The following RSRP1 variants were observed in gnomAD, a reference collection of about 807,000 sequenced individuals.
The protein encoded by RSRP1 is arginine and serine rich protein 1.
RSRP1 carries 37 observed loss-of-function variants against 33.0 expected under a neutral mutation model. That is an observed-to-expected ratio of 1.12 (90% CI 0.86 to 1.48). The LOEUF (loss-of-function observed/expected upper bound fraction) is 1.48, where lower values mean the gene tolerates loss of function less well. Ranked by LOEUF, RSRP1 falls within the 40% of genes most tolerant of loss-of-function variation. The pLI, the probability that RSRP1 is intolerant of heterozygous loss-of-function variation, is 0.00. For missense variants in RSRP1, 402 were observed against 385.3 expected, an observed-to-expected ratio of 1.04 and a Z score of -0.36; for synonymous variants, 167 against 158.7, an observed-to-expected ratio of 1.05 and a Z score of -0.40.
chr1:25,309,823 G>A (rs1440973934), intron 1 of RSRP1, among the ~76,000 whole-genome samples: 3 of 132,418 alleles, frequency 2.3e-5, no homozygotes, highest in African/African-American at 7.8e-5. Flanking sequence ...TTGAGCTGAG[G>A]GTCTCGCCAG....
chr1:25,256,870 G>A (rs1639965971), intron 1 of RSRP1, among the ~76,000 whole-genome samples: 2 of 152,220 alleles, frequency 1.3e-5, no homozygotes, highest in South Asian at 4.1e-4. Flanking sequence ...CTCACAATGA[G>A]TCCACTCACT....
chr1:25,254,034 G>T (rs943719298), intron 1 of RSRP1: 4 of 152,228 alleles, frequency 2.6e-5, no homozygotes, highest in African/African-American at 9.6e-5. Flanking sequence ...CATCTCCGTT[G>T]TTAGGGCTGC....
chr1:25,300,451 A>G lies in RSRP1; in HGVS notation c.-67+37527T>C, dbSNP rs1643295931. On this transcript the variant is annotated intron_variant, in intron 1 of 1. Coordinates refer to the RSRP1 transcript ENST00000561867. ...TGCTTGAGCCTGGGAGTTGGAGACT[A>G]CAGTGAGCTGTGGCCACACCACTGC... is the stretch of plus-strand genomic sequence containing the variant. Among the ~76,000 whole-genome samples, 2 of 125,166 alleles carry G rather than the reference A, an allele frequency of 1.6e-5. 1 individual carries two copies. The highest frequency in any genetic ancestry group is 3.7e-5 in the Non-Finnish European group (2 of 53,888). The allele number at this position is 125,166 out of a possible 152,430, so 82.1% of individuals were successfully genotyped here.
Position 25,322,566 on chromosome 1 carries a change from A to G in RSRP1, c.-67+15412T>C, listed in dbSNP as rs537637507. Among the ~76,000 whole-genome samples, 6 of 132,586 alleles carry G rather than the reference A, an allele frequency of 4.5e-5. 1 individual carries two copies. Among genetic ancestry groups the G allele is most frequent in the East Asian group, 2.0e-4 (1 of 5,098 alleles). 87.0% of individuals were successfully genotyped at this position (132,586 alleles called of 152,430 possible). A position where few individuals can be genotyped will look rare whatever the true frequency, so the allele number is the denominator to read the frequency against. On this transcript the variant is annotated intron_variant, in intron 1 of 1. Transcript: ENST00000561867. Reference sequence around the variant, plus strand: ...CACATGCCTGTAATCCCAGTTACTCAGGAGGCTGAGGCAGGAGAATCACTT... The same window carrying G: ...CACATGCCTGTAATCCCAGTTACTCGGGAGGCTGAGGCAGGAGAATCACTT...
In RSRP1 at chr1:25,295,709, G is replaced by A. The variant is rs543374623; in HGVS notation, c.-67+42269C>T. ...TGGAGAGAAAGGCTGAAGGGCAGGG[G>A]CTGACATCATCAGTGACCAAGAGGC... On this transcript the variant is annotated intron_variant, in intron 1 of 1. Coordinates refer to the RSRP1 transcript ENST00000561867. Among the ~76,000 whole-genome samples the A allele has an allele frequency of 1.1e-3, 115 of 108,756 alleles. 33 individuals carry two copies. Among genetic ancestry groups the A allele is most frequent in the South Asian group, 3.7e-3 (14 of 3,750 alleles). The allele number at this position is 108,756 out of a possible 152,430, so 71.3% of individuals were successfully genotyped here. A position where few individuals can be genotyped will look rare whatever the true frequency, so the allele number is the denominator to read the frequency against.
rs754994634 is a variant in RSRP1 at position 25,282,648 on chromosome 1, G to C, written c.-66-35619C>G. ...TTTTTGAAAAACATTGTCTAGGCTG[G>C]GCACGATGGCTCATGCCTGTAATCC... On this transcript the variant is annotated intron_variant, in intron 1 of 1. Transcript: ENST00000561867. Among the ~76,000 whole-genome samples, 72 of 132,072 alleles carry C rather than the reference G, an allele frequency of 5.5e-4. 16 individuals carry two copies. The highest frequency in any genetic ancestry group is 9.0e-4 in the Non-Finnish European group (50 of 55,700). 86.6% of individuals were successfully genotyped at this position (132,072 alleles called of 152,430 possible).
chr1:25,246,864 A>C lies in RSRP1; in HGVS notation c.100T>G (p.Ser34Ala), dbSNP rs550652778. The C allele has an allele frequency of 3.2e-5, 52 of 1,610,786 alleles. 1 individual carries two copies. The change falls in exon 2 of 5, where the codon TCT (serine) becomes GCT (alanine). Residue 34 changes from serine to alanine, a missense_variant. Physicochemically the swap from Ser to Ala is moderately conservative, Grantham distance 99. Transcript: ENST00000243189. Reference protein sequence around the residue: ...SGGSSRLSSRSRSRSFSRSSR... With the variant: ...SGGSSRLSSRARSRSFSRSSR... ...CTTCTGGAAAAAGAGCGGCTCCTAGACCGCGACGACAGCCGGCTGGACCCG... is the reference window on the plus strand; with the variant it reads ...CTTCTGGAAAAAGAGCGGCTCCTAGCCCGCGACGACAGCCGGCTGGACCCG...
rs1343952240 is a variant in RSRP1 at position 25,242,467 on chromosome 1, T to G, written c.*122A>C. 7.9e-6 allele frequency: 5 copies of G among 634,156 alleles called. No individual in the cohort carries two copies. The East Asian group carries it at 1.3e-4, about 16-fold the overall frequency. The allele number at this position is 634,156 out of a possible 1,614,324, so 39.3% of individuals were successfully genotyped here. A position where few individuals can be genotyped will look rare whatever the true frequency, so the allele number is the denominator to read the frequency against. On this transcript the variant is annotated 3_prime_UTR_variant, in exon 5 of 5. Coordinates refer to ENST00000243189, the MANE Select transcript of RSRP1 (RefSeq NM_020317.5). ...TTGAGTGTTAAGTATTTACATCTTT[T>G]TGTGTTGGTTTTTAAATGCACAAGT...
At chr1:25,274,841 T>C (rs2124585556) in intron 1 of RSRP1, among the ~76,000 whole-genome samples, 1 of 131,408 alleles carries the variant, frequency 7.6e-6, no homozygotes, top group South Asian at 2.3e-4. Flanking sequence ...ACCGCATCTC[T>C]ACTAAAATTA....
intron 1 of RSRP1, among the ~76,000 whole-genome samples, chr1:25,312,920 T>TCAAAAAA (rs1482253138): frequency 1.5e-4 from 1 of 6,850 alleles, no homozygotes; most frequent in African/African-American, 3.1e-4. Flanking sequence ...ATCCCATCTC[T>TCAAAAAA]AAAAAAAAAA....
chr1:25,336,997 A>C (rs1250110602), intron 1 of RSRP1: 1 of 152,888 alleles, frequency 6.5e-6, no homozygotes, highest in African/African-American at 2.4e-5. Context: ...GTACATGTCA[A>C]TCAGATGAAC....
intron 1 of RSRP1, chr1:25,272,362 C>A: frequency 1.3e-6 from 1 of 756,840 alleles, no homozygotes; most frequent in Non-Finnish European, 2.1e-6. Flanking sequence ...ATTTCCTCCC[C>A]TCCCCATCAT....
intron 1 of RSRP1, among the ~76,000 whole-genome samples, chr1:25,262,567 C>T (rs931961436): frequency 1.3e-5 from 2 of 152,208 alleles, no homozygotes; most frequent in African/African-American, 4.8e-5. Context: ...AGAAGTCCCA[C>T]AGCAGATTGT....
chr1:25,321,256 T>C (rs1644681577), intron 1 of RSRP1, among the ~76,000 whole-genome samples: 1 of 126,318 alleles, frequency 7.9e-6, no homozygotes, highest in Admixed American at 7.9e-5. Context: ...TGGATCAGCT[T>C]TCGTGGGGCC....
intron 1 of RSRP1, among the ~76,000 whole-genome samples, chr1:25,334,099 T>C (rs1571786006): frequency 7.6e-6 from 1 of 131,310 alleles, no homozygotes; most frequent in Non-Finnish European, 1.8e-5. Context: ...CACAGTCTAA[T>C]GTCTCATCTG....
chr1:25,258,924 T>A (rs113315993), intron 1 of RSRP1, among the ~76,000 whole-genome samples: 2,176 of 152,278 alleles, frequency 0.014, 47 homozygotes, highest in African/African-American at 0.049. Flanking sequence ...AAAATGGAGT[T>A]GAATCCTTTC....
chr1:25,251,012 G>GA (rs1443972697), upstream of RSRP1, among the ~76,000 whole-genome samples: 1 of 148,006 alleles, frequency 6.8e-6, no homozygotes, highest in Admixed American at 6.8e-5. Context: ...CCAACTCAAA[G>GA]AAAAAAATAA....
At chr1:25,274,575 G>C (rs1253210421) in intron 1 of RSRP1, among the ~76,000 whole-genome samples, 3 of 133,362 alleles carry the variant, frequency 2.2e-5, no homozygotes, top group East Asian at 1.9e-4. Context: ...GCCCAGCCAG[G>C]TCTTGAAGGC....
chr1:25,244,532 T>C, intron 3 of RSRP1: 2 of 1,289,286 alleles, frequency 1.6e-6, no homozygotes, highest in Non-Finnish European at 1.0e-6. Flanking sequence ...TAAACTATAC[T>C]GTATATGCTG....
Sources: gnomAD v4.1 joint callset for allele counts (sites outside exome capture counted in the v4.1 genomes callset) on GRCh38, gnomAD v4.1.1 for gene constraint, MANE v1.5 for transcripts, NCBI Gene and HGNC (gene_info 2026-07-23, HGNC 2026-07-21) for gene names.